Variants in MYH11 observed in about 807,000 individuals in gnomAD.
The protein encoded by MYH11 is myosin heavy chain 11, also known as myosin-11.
In MYH11, 80 loss-of-function variants were observed where a neutral mutation model predicts 246.6. The observed-to-expected ratio is 0.32, with a 90% CI of 0.27 to 0.39. The LOEUF (loss-of-function observed/expected upper bound fraction) is 0.39. Ranked by LOEUF, MYH11 falls within the 10% of genes least tolerant of loss-of-function variation. The pLI, the probability that MYH11 is intolerant of heterozygous loss-of-function variation, is 1.00. For missense variants in MYH11, 2,158 were observed against 2,546.8 expected (o/e 0.85, Z 3.29); for synonymous variants, 1,071 against 1,015.5 (o/e 1.05, Z -1.04).
At position 15,703,290 on chromosome 16, in the gene MYH11, G is replaced by A. The variant is rs1183370115; in HGVS notation, c.*701C>T. ...GGTGAACTGTGCGTGTCTGAGGTGT[G>A]GAAACCAGGAGAGGGGGAAAGAATT... On this transcript the variant is annotated 3_prime_UTR_variant, in exon 41 of 41. Transcript: ENST00000300036. 1 of 226,826 alleles carries A rather than the reference G, an allele frequency of 4.4e-6. No homozygotes were observed. The highest frequency in any genetic ancestry group is 2.2e-5 in the African/African-American group (1 of 44,698). The allele number at this position is 226,826 out of a possible 1,614,324, so 14.1% of individuals were successfully genotyped here.
At chr16:15,784,799 C>T (rs895978115) in intron 5 of MYH11, 23 of 1,532,010 alleles carry the variant, frequency 1.5e-5, no homozygotes, top group African/African-American at 2.7e-5. Flanking sequence ...GAATATATGA[C>T]TTTGATCCCC....
At chr16:15,705,678 C>T (rs1393935808) in intron 40 of MYH11, among the ~76,000 whole-genome samples, 1 of 152,076 alleles carries the variant, frequency 6.6e-6, no homozygotes, top group Non-Finnish European at 1.5e-5. Flanking sequence ...GTGACCAATT[C>T]TTTAGTCAAA....
In MYH11 at chr16:15,774,106, T is replaced by A. The variant is rs899838611; in HGVS notation, c.889+1972A>T. On this transcript the variant is annotated intron_variant, in intron 8 of 40. Coordinates refer to ENST00000300036, the MANE Select transcript of MYH11 (RefSeq NM_002474.3). ...TGGGTCAAGTCACTTGGAAGCTGCT[T>A]GATAAACTCGAGGTTAAATTGACTG... Among the ~76,000 whole-genome samples, 7 of 152,328 alleles carry A rather than the reference T, an allele frequency of 4.6e-5. No individual in the cohort carries two copies. The East Asian group carries it at 1.2e-3, about 25-fold the overall frequency.
chr16:15,747,798 A>G, intron 18 of MYH11, 68 bp from the exon 19 acceptor site: 3 of 1,612,500 alleles, frequency 1.9e-6, no homozygotes, highest in Non-Finnish European at 2.5e-6. Flanking sequence ...TGACATGGGT[A>G]AGAACGGTCC....
At chr16:15,726,708 G>T in intron 28 of MYH11, 140 bp downstream of exon 28, 1 of 965,840 alleles carries the variant, frequency 1.0e-6, no homozygotes, top group Non-Finnish European at 1.6e-6. Flanking sequence ...GGAGATCATC[G>T]CCTCTCCTCC....
At chr16:15,817,120 G>A (rs554168342) in intron 3 of MYH11, among the ~76,000 whole-genome samples, 3 of 152,282 alleles carry the variant, frequency 2.0e-5, no homozygotes, top group Admixed American at 2.0e-4. Context: ...TTGTCTCTTG[G>A]GAGGGAAGCT....
intron 2 of MYH11, among the ~76,000 whole-genome samples, chr16:15,828,018 C>T (rs1422176390): frequency 6.6e-6 from 1 of 152,218 alleles, no homozygotes; most frequent in Non-Finnish European, 1.5e-5. Context: ...GTATCATTTA[C>T]AGCCCAACCT....
intron 6 of MYH11, chr16:15,779,071 T>C: frequency 1.6e-6 from 1 of 630,538 alleles, no homozygotes; most frequent in Non-Finnish European, 2.9e-6. Context: ...TGTTCACAGA[T>C]CAATTTCATT....
At chr16:15,808,657 G>A (rs1314638589) in intron 3 of MYH11, among the ~76,000 whole-genome samples, 1 of 152,184 alleles carries the variant, frequency 6.6e-6, no homozygotes, top group Non-Finnish European at 1.5e-5. Context: ...AGTGCTTTGG[G>A]AGGCTGAGGC....
intron 10 of MYH11, among the ~76,000 whole-genome samples, chr16:15,761,253 G>A (rs1251854865): frequency 2.0e-5 from 3 of 152,094 alleles, no homozygotes; most frequent in African/African-American, 4.8e-5. Flanking sequence ...TGGCATTATA[G>A]GTGCCTGCCA....
chr16:15,849,090 G>T (rs925854605), intron 1 of MYH11, among the ~76,000 whole-genome samples: 2 of 152,202 alleles, frequency 1.3e-5, no homozygotes, highest in African/African-American at 2.4e-5. Flanking sequence ...TGGGGGAAGG[G>T]TCTCACTATA....
chr16:15,724,174 C>T lies in MYH11; in HGVS notation c.4352G>A (p.Arg1451Lys). 1.2e-6 allele frequency: 2 copies of T among 1,613,768 alleles called. No homozygotes were observed. The highest frequency in any genetic ancestry group is 2.2e-5 in the East Asian group (1 of 44,888). Residue 1451 changes from arginine to lysine, a missense_variant, in exon 31 of 41, where the codon AGG (arginine) becomes AAG (lysine). By Grantham distance (26) the Arg-to-Lys change is conservative (BLOSUM62 2). Transcript: ENST00000300036. Reference protein sequence around the residue: ...QLVSNLEKKQRKFDQLLAEEK... With the variant: ...QLVSNLEKKQKKFDQLLAEEK... ...CACGCCCTCTACCTGATCAAATTTC[C>T]TCTGCTTCTTTTCCAGGTTGGACAC...
At chr16:15,735,344 G>A (rs376339671) in intron 26 of MYH11, 22 bp downstream of exon 26, 1 of 1,612,052 alleles carries the variant, frequency 6.2e-7, no homozygotes, top group Non-Finnish European at 8.5e-7. Flanking sequence ...TAGCAGGATG[G>A]TGGGATTGAT....
At chr16:15,718,565 G>T (rs886795108) in intron 36 of MYH11, 127 bp from the exon 37 acceptor site, 5 of 1,359,440 alleles carry the variant, frequency 3.7e-6, no homozygotes, top group African/African-American at 2.9e-5. Context: ...GCTTGGAGAA[G>T]ATTAGAAGAC....
intron 36 of MYH11, chr16:15,718,770 A>G (rs2040307502): frequency 6.6e-6 from 3 of 452,470 alleles, no homozygotes; most frequent in South Asian, 2.3e-5. Flanking sequence ...GCGCTGACGG[A>G]AAACCTAACC....
intron 25 of MYH11, among the ~76,000 whole-genome samples, 167 bp downstream of exon 25, chr16:15,737,282 G>GA (rs1770807240): frequency 6.6e-6 from 1 of 152,184 alleles, no homozygotes; most frequent in Admixed American, 6.5e-5. Context: ...GGATCTGGGG[G>GA]AGTGAACAGG....
rs2041533083 is a variant in MYH11 at position 15,750,320 on chromosome 16, C to T, written c.1876G>A (p.Val626Met). Residue 626 changes from valine (V) to methionine (M), a missense_variant, in exon 16 of 41, where the codon GTG becomes ATG. Coordinates refer to ENST00000300036, the MANE Select transcript of MYH11 (RefSeq NM_002474.3). This position sits in a 1 kb window ranked among gnomAD's most constrained non-coding sequence, Gnocchi z 4.3. ...ATCTTGGCCATCTGGTCCAGGCCCA[C>T]GATGCGGTCCACTATGGGGCACAGC... ...ADLWKDVDRI[V>M]GLDQMAKMTE... The T allele has an allele frequency of 5.0e-6, 8 of 1,603,892 alleles. No homozygotes were observed. Among genetic ancestry groups the T allele is most frequent in the South Asian group, 3.3e-5 (3 of 89,864 alleles).
chr16:15,771,412 C>T (rs1214647348), intron 9 of MYH11, among the ~76,000 whole-genome samples, 157 bp downstream of exon 9: 3 of 151,262 alleles, frequency 2.0e-5, no homozygotes, highest in Non-Finnish European at 4.4e-5. Context: ...AACAAACCAC[C>T]TAGAATAAAA....
At position 15,760,608 on chromosome 16, in the gene MYH11, T is replaced by G; in HGVS notation, c.1180A>C (p.Arg394=). ...LMGINVTDFT[R]SILTPRIKVG... is the part of the protein sequence containing the mutation. Reference sequence around the variant, plus strand: ...TTGATACGAGGAGTGAGGATGGATCTGGTGAAATCTGTCACATTAATTCCC... The same window carrying G: ...TTGATACGAGGAGTGAGGATGGATCGGGTGAAATCTGTCACATTAATTCCC... Residue 394 remains arginine, a synonymous_variant, in exon 11 of 41, where the codon AGA becomes CGA. Transcript: ENST00000300036. 1 of 1,614,228 alleles carries G rather than the reference T, an allele frequency of 6.2e-7. No homozygotes were observed. Among genetic ancestry groups the G allele is most frequent in the South Asian group, 1.1e-5 (1 of 91,078 alleles).
Sources: allele counts gnomAD v4.1 joint callset (sites outside exome capture counted in the v4.1 genomes callset), GRCh38; gene constraint gnomAD v4.1.1; non-coding constraint Gnocchi (gnomAD v3.1); transcripts MANE v1.5; gene names NCBI Gene and HGNC (gene_info 2026-07-23, HGNC 2026-07-21).